Variants in FRMPD4 observed in about 807,000 individuals in gnomAD.
FRMPD4 encodes FERM and PDZ domain-containing protein 4.
A neutral mutation model predicts 94.1 loss-of-function variants in FRMPD4; 22 were observed. That is an observed-to-expected ratio of 0.23 (90% CI 0.17 to 0.33). The LOEUF is 0.33. Among genes scored for constraint, FRMPD4 ranks in the 10% least tolerant of loss-of-function variants. The pLI, the probability that FRMPD4 is intolerant of heterozygous loss-of-function variation, is 1.00. For missense variants in FRMPD4, 1,111 were observed against 1,339.9 expected, an observed-to-expected ratio of 0.83 and a Z score of 2.67; for synonymous variants, 631 against 548.6, an observed-to-expected ratio of 1.15 and a Z score of -2.10.
At chrX:12,438,358 C>T (rs551173342) in intron 1 of FRMPD4, among the ~76,000 whole-genome samples, 1 of 108,608 alleles carries the variant, frequency 9.2e-6, no homozygotes, top group East Asian at 2.9e-4. Context: ...CCTCCTTGGT[C>T]ATTAAATATG....
intron 3 of FRMPD4, among the ~76,000 whole-genome samples, chrX:12,610,862 C>T (rs998527844): frequency 1.8e-5 from 2 of 111,319 alleles, no homozygotes; most frequent in African/African-American, 6.6e-5. Context: ...GCCTCATCTG[C>T]AGTTTGGTAC....
chrX:12,145,990 A>G (rs1357647574), intron 1 of FRMPD4, among the ~76,000 whole-genome samples: 2 of 111,925 alleles, frequency 1.8e-5, no homozygotes, highest in Admixed American at 9.4e-5. Context: ...CCCTCCGTCT[A>G]CATACTTTTG....
intron 1 of FRMPD4, among the ~76,000 whole-genome samples, chrX:12,276,227 C>T (rs1436466483): frequency 8.9e-6 from 1 of 112,342 alleles, no homozygotes; most frequent in African/African-American, 3.2e-5. Context: ...AAGAGTCAAA[C>T]TCTGTAAAAT....
intron 1 of FRMPD4, among the ~76,000 whole-genome samples, chrX:12,314,776 A>G (rs946182698): frequency 4.5e-5 from 5 of 111,502 alleles, no homozygotes; most frequent in Non-Finnish European, 9.4e-5. Flanking sequence ...ACAAGTGACT[A>G]GAGGACAGCT....
rs748621856 is a variant in FRMPD4, at chrX:12,058,416, C to A, written c.95+180398C>A. Among the ~76,000 whole-genome samples, 5 of 111,290 alleles carry A rather than the reference C, an allele frequency of 4.5e-5. No individual in the cohort carries two copies. In the South Asian group the frequency reaches 1.5e-3, roughly 34 times the overall value. ...GGATGTTAGAGAGACTTTGAATCGA[C>A]TTCTTCAGGCCAGCATGTCAAAGTG... On this transcript the variant is annotated intron_variant, in intron 3 of 18. Transcript: ENST00000640291.
At chrX:11,868,430 A>G (rs1209377670) in intron 2 of FRMPD4, among the ~76,000 whole-genome samples, 1 of 111,974 alleles carries the variant, frequency 8.9e-6, no homozygotes, top group African/African-American at 3.2e-5. Flanking sequence ...CAGGCCACCT[A>G]TGCATTTGGG....
At chrX:12,299,213 A>C (rs2054819951) in intron 1 of FRMPD4, among the ~76,000 whole-genome samples, 1 of 110,509 alleles carries the variant, frequency 9.0e-6, no homozygotes, top group African/African-American at 3.3e-5. Flanking sequence ...TAGCTTATCT[A>C]AGTTAGTTTT....
chrX:12,053,237 G>T (rs2054828485), intron 3 of FRMPD4, among the ~76,000 whole-genome samples: 1 of 107,826 alleles, frequency 9.3e-6, no homozygotes, highest in African/African-American at 3.4e-5. Flanking sequence ...TACTTGGGAG[G>T]CTGAGGCAGG....
intron 1 of FRMPD4, among the ~76,000 whole-genome samples, chrX:12,306,891 T>C (rs2147899907): frequency 8.9e-6 from 1 of 112,261 alleles, no homozygotes; most frequent in East Asian, 2.8e-4. Flanking sequence ...GGATCTGGCA[T>C]TTTTAGATGA....
chrX:12,409,297 G>A (rs1400246645), intron 1 of FRMPD4, among the ~76,000 whole-genome samples: 3 of 111,490 alleles, frequency 2.7e-5, no homozygotes, highest in Non-Finnish European at 5.7e-5. Flanking sequence ...ACTAGATGCC[G>A]AAGATGCTGC....
At chrX:12,190,694 TA>T (rs35306041) in intron 1 of FRMPD4, among the ~76,000 whole-genome samples, 1,203 of 86,914 alleles carry the variant, frequency 0.014, 18 homozygotes, top group African/African-American at 0.043. Context: ...ACATCCACAT[TA>T]AAAAAAAAAA....
At chrX:12,320,967 C>T (rs944421538) in intron 1 of FRMPD4, among the ~76,000 whole-genome samples, 1 of 112,060 alleles carries the variant, frequency 8.9e-6, no homozygotes, top group Non-Finnish European at 1.9e-5. Flanking sequence ...TGACACTGAC[C>T]CCAAGGCAAA....
intron 1 of FRMPD4, among the ~76,000 whole-genome samples, chrX:12,414,406 G>C: frequency 8.9e-6 from 1 of 112,421 alleles, no homozygotes; most frequent in Non-Finnish European, 1.9e-5. Flanking sequence ...TTTATGAAGT[G>C]AAAAAGTTGT....
At chrX:12,577,945 G>A (rs1458240891) in intron 2 of FRMPD4, among the ~76,000 whole-genome samples, 1 of 112,567 alleles carries the variant, frequency 8.9e-6, no homozygotes, top group African/African-American at 3.2e-5. Context: ...AGTTCTGGAG[G>A]CTAGAAGTCC....
chrX:12,605,892 A>C (rs992547114), intron 2 of FRMPD4, among the ~76,000 whole-genome samples: 1 of 111,609 alleles, frequency 9.0e-6, no homozygotes, highest in African/African-American at 3.3e-5. Flanking sequence ...CTATTTTACT[A>C]ATGTGTTAGT....
chrX:12,119,286 T>C (rs1057420537), intron 3 of FRMPD4, among the ~76,000 whole-genome samples: 3 of 111,829 alleles, frequency 2.7e-5, no homozygotes, highest in Non-Finnish European at 5.6e-5. Context: ...AAGAATAATT[T>C]AAGTTTAACA....
intron 3 of FRMPD4, among the ~76,000 whole-genome samples, chrX:11,989,705 T>C (rs1307403793): frequency 1.8e-5 from 2 of 112,103 alleles, no homozygotes; most frequent in Non-Finnish European, 3.8e-5. Context: ...TTCTCCATGA[T>C]GTGATTATTA....
chrX:12,015,514 T>C (rs1300627015), intron 3 of FRMPD4, among the ~76,000 whole-genome samples: 1 of 112,223 alleles, frequency 8.9e-6, no homozygotes, highest in Non-Finnish European at 1.9e-5. Context: ...TTCTTTTGTG[T>C]CTGTCACCAG....
intron 1 of FRMPD4, among the ~76,000 whole-genome samples, chrX:12,332,203 T>TAG (rs758336012): frequency 7.1e-4 from 48 of 67,907 alleles, no homozygotes; most frequent in East Asian, 2.9e-3. Context: ...TATATATATA[T>TAG]ATATAGAGAG....
Sources: allele counts gnomAD v4.1 joint callset (sites outside exome capture counted in the v4.1 genomes callset), GRCh38; gene constraint gnomAD v4.1.1; transcripts MANE v1.5; gene names NCBI Gene and HGNC (gene_info 2026-07-23, HGNC 2026-07-21).